NVL: variants seen among roughly 807,000 people sequenced by gnomAD.
NVL encodes the protein nuclear valosin-containing protein-like.
Under a neutral mutation model 110.2 loss-of-function variants are expected in NVL, and 84 were observed. The observed-to-expected ratio is 0.76, with a 90% CI of 0.64 to 0.91. The LOEUF (loss-of-function observed/expected upper bound fraction) is 0.91. Among genes scored for constraint, NVL ranks in the 40% least tolerant of loss-of-function variants. The pLI is 0.00. For missense variants in NVL, 882 were observed against 1,035.9 expected (o/e 0.85, Z 2.04); for synonymous variants, 354 against 361.1 (o/e 0.98, Z 0.22).
chr1:224,278,809 T>G (rs1214858407), intron 16 of NVL, among the ~76,000 whole-genome samples: 1 of 152,132 alleles, frequency 6.6e-6, no homozygotes, highest in South Asian at 2.1e-4. Context: ...CATAGCTCAC[T>G]GCAGCCTCGA....
At chr1:224,240,061 ATTTTTTTTTTT>A (rs34586586) in intron 19 of NVL, among the ~76,000 whole-genome samples, 1 of 90,932 alleles carries the variant, frequency 1.1e-5, no homozygotes, top group African/African-American at 4.6e-5. Flanking sequence ...ACGCTGGGTA[ATTTTTTTTTTT>A]TTTTTTTTTT....
intron 14 of NVL, among the ~76,000 whole-genome samples, chr1:224,287,161 C>G (rs1284007649): frequency 1.3e-5 from 2 of 152,110 alleles, no homozygotes; most frequent in Admixed American, 6.6e-5. Context: ...GTGAAATAAA[C>G]TAGGCACAGA....
At chr1:224,231,356 T>A in intron 21 of NVL, 60 bp from the exon 22 acceptor site, 3 of 1,378,936 alleles carry the variant, frequency 2.2e-6, no homozygotes, top group Non-Finnish European at 3.1e-6. Context: ...GACTTAGAAC[T>A]TAACTTCCTT....
intron 18 of NVL, among the ~76,000 whole-genome samples, chr1:224,254,046 T>C (rs1334918899): frequency 6.6e-6 from 1 of 152,334 alleles, no homozygotes; most frequent in African/African-American, 2.4e-5. Flanking sequence ...GATTAAATAA[T>C]TTTGTAAACT....
chr1:224,305,822 C>G (rs953034109), intron 6 of NVL, among the ~76,000 whole-genome samples: 1 of 152,248 alleles, frequency 6.6e-6, no homozygotes, highest in South Asian at 2.1e-4. Flanking sequence ...GGATTACAGG[C>G]GTGAGCCGCC....
At chr1:224,257,895 G>T (rs951025928) in intron 18 of NVL, among the ~76,000 whole-genome samples, 3 of 151,972 alleles carry the variant, frequency 2.0e-5, no homozygotes, top group African/African-American at 7.3e-5. Context: ...CTCACAACAC[G>T]CAACAAATTA....
intron 22 of NVL, among the ~76,000 whole-genome samples, chr1:224,228,903 C>T (rs528900441): frequency 5.7e-4 from 63 of 110,240 alleles, no homozygotes; most frequent in Middle Eastern, 0.01. Context: ...CGCGCCATTG[C>T]GACAGAGCGA....
rs1393452717 is a variant in NVL, at chr1:224,233,192, G to A, written c.2455+9C>T. ...AATTAGAATTGAGAGATTCTGGAGA[G>A]AATTGTACCTTTTTCATTTCCACTC... is the stretch of plus-strand genomic sequence containing the variant. On this transcript the variant is annotated intron_variant, in intron 21 of 22. Coordinates refer to ENST00000281701, the MANE Select transcript of NVL (RefSeq NM_002533.4). 9 of 1,606,608 alleles carry A rather than the reference G, an allele frequency of 5.6e-6. No individual in the cohort carries two copies. Among genetic ancestry groups the A allele is most frequent in the Non-Finnish European group, 7.7e-6 (9 of 1,176,254 alleles).
chr1:224,240,002 A>T (rs1367285547), intron 19 of NVL, among the ~76,000 whole-genome samples: 2 of 150,162 alleles, frequency 1.3e-5, no homozygotes, highest in Non-Finnish European at 3.0e-5. Context: ...GGTTCAAGCG[A>T]TTCTCCTGCC....
intron 13 of NVL, among the ~76,000 whole-genome samples, chr1:224,289,025 A>G (rs1268441123): frequency 6.6e-6 from 1 of 152,222 alleles, no homozygotes; most frequent in Non-Finnish European, 1.5e-5. Flanking sequence ...ATTAAATGCC[A>G]ATGCTGAAAT....
At position 224,315,897 on chromosome 1, in the gene NVL, A is replaced by G. The variant is rs80298652; in HGVS notation, c.284+1797T>C. 2.5e-4 allele frequency among the ~76,000 whole-genome samples: 38 copies of G among 152,316 alleles called. No individual in the cohort carries two copies. The East Asian group carries it at 6.9e-3, about 28-fold the overall frequency. On this transcript the variant is annotated intron_variant, in intron 4 of 22. Transcript: ENST00000281701. ...ACTGGAAACAAACCAACTGCCCAACAAGAGATAAACAGATAGGTCAGGCAA... is the reference window on the plus strand; with the variant it reads ...ACTGGAAACAAACCAACTGCCCAACGAGAGATAAACAGATAGGTCAGGCAA...
At chr1:224,255,060 C>T (rs1461974733) in intron 18 of NVL, among the ~76,000 whole-genome samples, 1 of 150,528 alleles carries the variant, frequency 6.6e-6, no homozygotes, top group East Asian at 2.0e-4. Flanking sequence ...TTGGTAGAGA[C>T]GGGATTTCAC....
At chr1:224,308,337 T>C in intron 5 of NVL, 74 bp from the exon 6 acceptor site, 17 of 1,326,644 alleles carry the variant, frequency 1.3e-5, no homozygotes, top group Non-Finnish European at 1.7e-5. Context: ...TTGCCTATAG[T>C]AATAAGTTTT....
At chr1:224,264,381 G>A (rs1017119900) in intron 18 of NVL, among the ~76,000 whole-genome samples, 1 of 151,518 alleles carries the variant, frequency 6.6e-6, no homozygotes, top group Non-Finnish European at 1.5e-5. Context: ...CTGAGTAGCC[G>A]GGATTGCAGG....
chr1:224,231,111 C>T (rs1041475957), intron 22 of NVL, 115 bp downstream of exon 22: 89 of 684,498 alleles, frequency 1.3e-4, no homozygotes, highest in East Asian at 1.7e-4. Flanking sequence ...CCAGCATGGA[C>T]GACAGAGCAA....
chr1:224,233,588 T>C (rs769734506), intron 20 of NVL, among the ~76,000 whole-genome samples: 18 of 152,002 alleles, frequency 1.2e-4, no homozygotes, highest in Non-Finnish European at 2.1e-4. Context: ...AGAAATGCCA[T>C]ATCTACAAAA....
chr1:224,316,421 C>T (rs541923770), intron 4 of NVL, among the ~76,000 whole-genome samples: 118 of 152,052 alleles, frequency 7.8e-4, no homozygotes, highest in Middle Eastern at 3.4e-3. Flanking sequence ...TGCTGTGGCT[C>T]GCACCTATAA....
chr1:224,330,018 C>T (rs1558378022), intron 1 of NVL, 53 bp downstream of exon 1: 2 of 1,579,694 alleles, frequency 1.3e-6, no homozygotes. Context: ...GGAGTGGCAC[C>T]CTGGGGCAGC....
intron 19 of NVL, among the ~76,000 whole-genome samples, chr1:224,245,279 C>G (rs1417207506): frequency 6.6e-6 from 1 of 152,222 alleles, no homozygotes; most frequent in African/African-American, 2.4e-5. Context: ...CTTGTGACTT[C>G]TCCCCTCTGA....
Sources: allele counts gnomAD v4.1 joint callset (sites outside exome capture counted in the v4.1 genomes callset), GRCh38; gene constraint gnomAD v4.1.1; transcripts MANE v1.5; gene names NCBI Gene and HGNC (gene_info 2026-07-23, HGNC 2026-07-21).